KCNIP3: variants seen among roughly 807,000 people sequenced by gnomAD.
The protein encoded by KCNIP3 is potassium voltage-gated channel interacting protein 3, also known as calsenilin.
KCNIP3 carries 28 observed loss-of-function variants against 35.0 expected under a neutral mutation model. That is an observed-to-expected ratio of 0.80 (90% CI 0.59 to 1.10). KCNIP3 has a LOEUF of 1.10. Among genes scored for constraint, KCNIP3 ranks in the 50% least tolerant of loss-of-function variants. The pLI is 0.00. For missense variants in KCNIP3, 295 were observed against 338.4 expected (o/e 0.87, Z 1.01); for synonymous variants, 134 against 133.8 (o/e 1.00, Z -0.01).
intron 2 of KCNIP3, among the ~76,000 whole-genome samples, chr2:95,346,465 C>T (rs1448322263): frequency 6.6e-6 from 1 of 150,444 alleles, no homozygotes; most frequent in East Asian, 2.0e-4. Flanking sequence ...GGCCGGCTCC[C>T]TCCGCCCTTC....
At chr2:95,314,136 C>G (rs535991708) in intron 2 of KCNIP3, among the ~76,000 whole-genome samples, 32 of 152,240 alleles carry the variant, frequency 2.1e-4, no homozygotes, top group African/African-American at 7.5e-4. Context: ...CATAAAGACA[C>G]CACCACCAGT....
intron 1 of KCNIP3, among the ~76,000 whole-genome samples, chr2:95,298,227 T>TGAGGA (rs1677925131): frequency 1.8e-5 from 1 of 54,202 alleles, no homozygotes; most frequent in Non-Finnish European, 3.6e-5. Flanking sequence ...TCAGGATAGT[T>TGAGGA]CAGGTCTGGC....
rs567038494 is a variant in KCNIP3 at position 95,339,183 on chromosome 2, C to T, written c.181+28663C>T. On this transcript the variant is annotated intron_variant, in intron 2 of 8. Coordinates refer to ENST00000295225, the MANE Select transcript of KCNIP3 (RefSeq NM_013434.5). ...TGCCCCAATCTATCCCTCTCTTCTT[C>T]CTCTTCTACAAGCTCTGCTTTTGGC... Among the ~76,000 whole-genome samples, 11 of 152,326 alleles carry T rather than the reference C, an allele frequency of 7.2e-5. No homozygotes were observed. The East Asian group carries it at 2.1e-3, about 29-fold the overall frequency.
intron 2 of KCNIP3, among the ~76,000 whole-genome samples, chr2:95,352,977 G>A (rs1679564695): frequency 6.6e-6 from 1 of 152,218 alleles, no homozygotes; most frequent in Non-Finnish European, 1.5e-5. Flanking sequence ...GTGATTTGGG[G>A]GTTCCCAGGC....
intron 1 of KCNIP3, among the ~76,000 whole-genome samples, chr2:95,308,246 T>C (rs2104206735): frequency 6.6e-6 from 1 of 152,336 alleles, no homozygotes; most frequent in Middle Eastern, 3.4e-3. Context: ...GTGCCTCTTC[T>C]TGCTGCAGCT....
At chr2:95,352,158 G>A (rs905587970) in intron 2 of KCNIP3, among the ~76,000 whole-genome samples, 33 of 152,298 alleles carry the variant, frequency 2.2e-4, no homozygotes, top group African/African-American at 7.7e-4. Context: ...AGCTACTTGG[G>A]AGGCTGAGGC....
At chr2:95,325,131 G>A (rs903680057) in intron 2 of KCNIP3, among the ~76,000 whole-genome samples, 1 of 152,188 alleles carries the variant, frequency 6.6e-6, no homozygotes, top group Non-Finnish European at 1.5e-5. Context: ...TTGGAGCAAG[G>A]TGCAGCCACG....
At position 95,384,033 on chromosome 2, in the gene KCNIP3, T is replaced by C. The variant is rs759542634; in HGVS notation, c.755T>C (p.Phe252Ser). The C allele has an allele frequency of 5.0e-6, 8 of 1,613,982 alleles. No homozygotes were observed. The highest frequency in any genetic ancestry group is 1.1e-5 in the South Asian group (1 of 91,068). ...DENIMSSMQLFENVI is the reference protein window; with the variant it reads ...DENIMSSMQLSENVI Reference sequence around the variant, plus strand: ...AACATCATGAGCTCCATGCAGCTGTTTGAGAATGTCATCTAGGACACGTCC... The same window carrying C: ...AACATCATGAGCTCCATGCAGCTGTCTGAGAATGTCATCTAGGACACGTCC... The change falls in exon 9 of 9, where the codon TTT becomes TCT. Residue 252 changes from phenylalanine (F) to serine (S), a missense_variant. Transcript: ENST00000295225.
At chr2:95,315,050 T>G (rs1457770724) in intron 2 of KCNIP3, among the ~76,000 whole-genome samples, 2 of 152,148 alleles carry the variant, frequency 1.3e-5, no homozygotes, top group Non-Finnish European at 2.9e-5. Flanking sequence ...CTGTGAGCCC[T>G]GGTCTTTGGT....
intron 3 of KCNIP3, 23 bp from the exon 4 acceptor site, chr2:95,374,825 G>A (rs754167171): frequency 6.2e-7 from 1 of 1,612,158 alleles, no homozygotes; most frequent in Non-Finnish European, 8.5e-7. Context: ...GCCGAGGGCT[G>A]AGGGGGTGCC....
chr2:95,354,604 T>C (rs1361926919), intron 2 of KCNIP3, among the ~76,000 whole-genome samples: 2 of 152,106 alleles, frequency 1.3e-5, no homozygotes, highest in East Asian at 3.9e-4. Flanking sequence ...TCCTGGGAGG[T>C]GACCCCAAAC....
chr2:95,317,244 C>T (rs1042028120), intron 2 of KCNIP3, among the ~76,000 whole-genome samples: 3 of 152,342 alleles, frequency 2.0e-5, no homozygotes, highest in East Asian at 3.9e-4. Flanking sequence ...CCGGGTGAGG[C>T]CCCTCTGCAG....
intron 1 of KCNIP3, among the ~76,000 whole-genome samples, chr2:95,299,399 GTGTTC>G (rs1339184745): frequency 2.0e-5 from 3 of 152,202 alleles, no homozygotes; most frequent in Non-Finnish European, 4.4e-5. Context: ...AGGTTGGGAG[GTGTTC>G]TGACTCCTCA....
At chr2:95,315,756 C>T (rs1240678986) in intron 2 of KCNIP3, among the ~76,000 whole-genome samples, 3 of 150,200 alleles carry the variant, frequency 2.0e-5, no homozygotes, top group Non-Finnish European at 4.4e-5. Flanking sequence ...CCTCCTCAGA[C>T]GGCTTCGAGA....
chr2:95,365,623 G>A (rs938201563), intron 2 of KCNIP3, among the ~76,000 whole-genome samples: 1 of 152,176 alleles, frequency 6.6e-6, no homozygotes, highest in African/African-American at 2.4e-5. Flanking sequence ...AGGCTTAGGG[G>A]AAAATATGGT....
In KCNIP3 at chr2:95,297,378, A is replaced by C; in HGVS notation, c.-61A>C. The C allele has an allele frequency of 6.6e-7, 1 of 1,523,858 alleles. No homozygotes were observed. Among genetic ancestry groups the C allele is most frequent in the South Asian group, 1.2e-5 (1 of 83,610 alleles). The allele number at this position is 1,523,858 out of a possible 1,614,324, so 94.4% of individuals were successfully genotyped here. A position where few individuals can be genotyped will look rare whatever the true frequency, so the allele number is the denominator to read the frequency against. On this transcript the variant is annotated 5_prime_UTR_variant, in exon 1 of 9. Coordinates refer to ENST00000295225, the MANE Select transcript of KCNIP3 (RefSeq NM_013434.5). ...GAGGCAGCTGCCAGCCGGCCTGGGCAGTCTTGTCTGCCTCGGCTGTGAAGT... is the reference window on the plus strand; with the variant it reads ...GAGGCAGCTGCCAGCCGGCCTGGGCCGTCTTGTCTGCCTCGGCTGTGAAGT...
At chr2:95,334,326 G>T (rs1679004878) in intron 2 of KCNIP3, among the ~76,000 whole-genome samples, 1 of 152,236 alleles carries the variant, frequency 6.6e-6, no homozygotes, top group Admixed American at 6.5e-5. Context: ...ACTTGCATGG[G>T]CATGTGTGCA....
chr2:95,359,161 GTCT>G (rs1481613968), intron 2 of KCNIP3, among the ~76,000 whole-genome samples: 1 of 151,984 alleles, frequency 6.6e-6, no homozygotes, highest in Non-Finnish European at 1.5e-5. Flanking sequence ...GCTCCCAAAG[GTCT>G]TAGCTCATTC....
intron 2 of KCNIP3, among the ~76,000 whole-genome samples, chr2:95,367,762 T>G (rs1342824391): frequency 6.6e-6 from 1 of 150,398 alleles, no homozygotes; most frequent in African/African-American, 2.4e-5. Context: ...CTTAACATTT[T>G]TTTTTTTTTT....
Sources: gnomAD v4.1 joint callset for allele counts (sites outside exome capture counted in the v4.1 genomes callset) on GRCh38, gnomAD v4.1.1 for gene constraint, MANE v1.5 for transcripts, NCBI Gene and HGNC (gene_info 2026-07-23, HGNC 2026-07-21) for gene names.